The following UST variants were observed in gnomAD, a reference collection of about 807,000 sequenced individuals.
UST encodes the protein chondroitin sulfate 2-O-sulfotransferase.
Under a neutral mutation model 45.6 loss-of-function variants are expected in UST, and 21 were observed. That is an observed-to-expected ratio of 0.46 (90% confidence interval 0.33 to 0.66). UST has a LOEUF of 0.66. UST is among the 30% of genes least tolerant of loss of function. The pLI, the probability that UST is intolerant of heterozygous loss-of-function variation, is 0.02. For missense variants in UST, 463 were observed against 512.4 expected, an observed-to-expected ratio of 0.90 and a Z score of 0.93; for synonymous variants, 215 against 200.6, an observed-to-expected ratio of 1.07 and a Z score of -0.61.
chr6:148,904,945 T>G (rs67786917), intron 2 of UST, among the ~76,000 whole-genome samples: 18,138 of 152,190 alleles, frequency 0.12, 1,332 homozygotes, highest in Middle Eastern at 0.17. Flanking sequence ...AGCTCAATAT[T>G]GGGAAGGCAT....
chr6:148,782,828 A>G (rs1014941818), intron 1 of UST, among the ~76,000 whole-genome samples: 1 of 152,234 alleles, frequency 6.6e-6, no homozygotes, highest in Non-Finnish European at 1.5e-5. Flanking sequence ...CGCGGTGAAC[A>G]TTGTTGAAAT....
At chr6:148,763,761 C>T (rs902745614) in intron 1 of UST, among the ~76,000 whole-genome samples, 1 of 152,012 alleles carries the variant, frequency 6.6e-6, no homozygotes, top group Non-Finnish European at 1.5e-5. Flanking sequence ...GTATCCTTTC[C>T]CCATCGTATA....
intron 5 of UST, among the ~76,000 whole-genome samples, chr6:148,980,687 T>C (rs1011360944): frequency 2.0e-5 from 3 of 152,144 alleles, no homozygotes; most frequent in Non-Finnish European, 4.4e-5. Flanking sequence ...CTTGTCCTTA[T>C]GCTGATAACC....
At chr6:149,020,313 C>T (rs1367004187) in intron 6 of UST, among the ~76,000 whole-genome samples, 1 of 152,094 alleles carries the variant, frequency 6.6e-6, no homozygotes, top group East Asian at 1.9e-4. Flanking sequence ...CTCCCCTGCC[C>T]CCGACCCTTG....
chr6:149,005,456 C>T (rs1178875467), intron 5 of UST: 2 of 985,322 alleles, frequency 2.0e-6, no homozygotes, highest in East Asian at 1.1e-4. Flanking sequence ...TCAGCAGTGT[C>T]TCTCTGCCTC....
intron 2 of UST, among the ~76,000 whole-genome samples, chr6:148,933,268 G>A (rs1358440099): frequency 2.0e-5 from 3 of 151,988 alleles, no homozygotes; most frequent in South Asian, 2.1e-4. Flanking sequence ...TACTATAATC[G>A]TATTTTCATC....
chr6:149,010,524 C>T lies in UST; in HGVS notation c.682-8615C>T, dbSNP rs545980049. 1.2e-4 allele frequency among the ~76,000 whole-genome samples: 19 copies of T among 152,192 alleles called. No individual in the cohort carries two copies. In the East Asian group the frequency reaches 3.3e-3, roughly 26 times the overall value. On this transcript the variant is annotated intron_variant, in intron 5 of 7. Coordinates refer to ENST00000367463, the MANE Select transcript of UST (RefSeq NM_005715.3). ...TTTGCTGTAGTTCATTGAAAAGAGC[C>T]TACCAAAAATCTAATGAAAACTGAG...
At chr6:149,008,914 C>T (rs1388265851) in intron 5 of UST, among the ~76,000 whole-genome samples, 1 of 152,242 alleles carries the variant, frequency 6.6e-6, no homozygotes, top group African/African-American at 2.4e-5. Context: ...CCAATGTCAG[C>T]ACAGCTCTCC....
intron 7 of UST, among the ~76,000 whole-genome samples, chr6:149,036,140 A>G (rs1401162069): frequency 6.6e-6 from 1 of 152,094 alleles, no homozygotes; most frequent in Non-Finnish European, 1.5e-5. Flanking sequence ...CCTCTGCCCA[A>G]ACTATCTGGA....
At chr6:149,050,156 T>C (rs1331028797) in intron 7 of UST, among the ~76,000 whole-genome samples, 1 of 152,180 alleles carries the variant, frequency 6.6e-6, no homozygotes, top group Non-Finnish European at 1.5e-5. Context: ...TTTAAAATAA[T>C]TGAATTACAA....
chr6:148,839,708 C>T (rs1166210443), intron 1 of UST, among the ~76,000 whole-genome samples: 1 of 152,160 alleles, frequency 6.6e-6, no homozygotes, highest in Non-Finnish European at 1.5e-5. Context: ...ATCAGCTTCT[C>T]CTCCAACATT....
At chr6:148,917,418 T>G (rs891178065) in intron 2 of UST, among the ~76,000 whole-genome samples, 1 of 151,644 alleles carries the variant, frequency 6.6e-6, no homozygotes, top group Non-Finnish European at 1.5e-5. Context: ...AGTCACATAC[T>G]AACTGTATAT....
chr6:148,861,652 T>A (rs1357995167), intron 1 of UST, among the ~76,000 whole-genome samples: 1 of 152,236 alleles, frequency 6.6e-6, no homozygotes, highest in Non-Finnish European at 1.5e-5. Context: ...CAAATTTCCC[T>A]CTACACACTG....
At chr6:148,882,516 C>A (rs1778842192) in intron 1 of UST, among the ~76,000 whole-genome samples, 1 of 142,458 alleles carries the variant, frequency 7.0e-6, no homozygotes, top group African/African-American at 2.6e-5. Flanking sequence ...AAAGAGTTGT[C>A]TCATTTCTGT....
At chr6:148,809,636 T>C (rs1032566661) in intron 1 of UST, among the ~76,000 whole-genome samples, 1 of 152,238 alleles carries the variant, frequency 6.6e-6, no homozygotes, top group Non-Finnish European at 1.5e-5. Context: ...TGATTGCCTC[T>C]GAGGTATCAT....
intron 1 of UST, among the ~76,000 whole-genome samples, chr6:148,755,589 G>A (rs4897046): frequency 0.34 from 51,913 of 151,218 alleles, 8,977 homozygotes; most frequent in South Asian, 0.42. Context: ...TCATGGGGGC[G>A]GTTAACCCCC....
rs967494234 is a variant in UST, at chr6:149,075,241, G to A, written c.*1125G>A. 1 of 152,202 alleles carries A rather than the reference G, an allele frequency of 6.6e-6. No individual in the cohort carries two copies. The highest frequency in any genetic ancestry group is 2.4e-5 in the African/African-American group (1 of 41,452). 9.4% of individuals were successfully genotyped at this position (152,202 alleles called of 1,614,324 possible). ...ATCTATCAAACACACCCCTGGCCAA[G>A]TTGGGTCCTATAGGACCTGGTACTA... is the stretch of plus-strand genomic sequence containing the variant. On this transcript the variant is annotated 3_prime_UTR_variant, in exon 8 of 8. Coordinates refer to ENST00000367463, the MANE Select transcript of UST (RefSeq NM_005715.3).
At chr6:148,843,833 T>G (rs1287431583) in intron 1 of UST, among the ~76,000 whole-genome samples, 1 of 152,206 alleles carries the variant, frequency 6.6e-6, no homozygotes, top group Non-Finnish European at 1.5e-5. Context: ...ATGGTTTTTG[T>G]GTTTTGTTTT....
At chr6:148,912,641 G>T (rs550760949) in intron 2 of UST, among the ~76,000 whole-genome samples, 1 of 152,336 alleles carries the variant, frequency 6.6e-6, no homozygotes, top group South Asian at 2.1e-4. Flanking sequence ...GTCAGAGCCT[G>T]TTCATATTTT....
Sources: gnomAD v4.1 joint callset for allele counts (sites outside exome capture counted in the v4.1 genomes callset) on GRCh38, gnomAD v4.1.1 for gene constraint, MANE v1.5 for transcripts, NCBI Gene and HGNC (gene_info 2026-07-23, HGNC 2026-07-21) for gene names.